Variants in TNKS observed in about 807,000 individuals in gnomAD.
TNKS encodes poly [ADP-ribose] polymerase tankyrase-1.
A neutral mutation model predicts 135.8 loss-of-function variants in TNKS; 72 were observed. That is an observed-to-expected ratio of 0.53 (90% CI 0.44 to 0.64). TNKS has a LOEUF of 0.64. Among genes scored for constraint, TNKS ranks in the 30% least tolerant of loss-of-function variants. The pLI is 0.00. For synonymous variants in TNKS, 849 were observed against 649.3 expected, an observed-to-expected ratio of 1.31 and a Z score of -4.68; for missense variants, 1,769 against 1,674.0, an observed-to-expected ratio of 1.06 and a Z score of -0.99.
rs960071515 is a variant in TNKS, at chr8:9,585,066, A to T, written c.898+4683A>T. 7.3e-5 allele frequency among the ~76,000 whole-genome samples: 11 copies of T among 150,228 alleles called. No homozygotes were observed. The East Asian group carries it at 1.6e-3, about 21-fold the overall frequency. On this transcript the variant is annotated intron_variant, in intron 2 of 26. Coordinates refer to ENST00000310430, the MANE Select transcript of TNKS (RefSeq NM_003747.3). ...AAAGGAGTCAGGTAAATACCTGAAT[A>T]AAAAAAAAATATCTCCCAGAGAAAT... is the stretch of plus-strand genomic sequence containing the variant.
chr8:9,711,186 C>T (rs1804314958), intron 11 of TNKS, among the ~76,000 whole-genome samples: 1 of 152,048 alleles, frequency 6.6e-6, no homozygotes, highest in South Asian at 2.1e-4. Context: ...CCTAGCATTT[C>T]AATTTATAAT....
rs1342047268 is a variant in TNKS at position 9,730,927 on chromosome 8, T to C, written c.2039T>C (p.Leu680Ser). 6.2e-7 allele frequency: 1 copy of C among 1,613,896 alleles called. No individual in the cohort carries two copies. The highest frequency in any genetic ancestry group is 8.5e-7 in the Non-Finnish European group (1 of 1,179,976). Residue 680 changes from leucine (L) to serine (S), a missense_variant, in exon 14 of 27, where the codon TTA becomes TCA. Physicochemically the swap from Leu to Ser is moderately radical, Grantham distance 145. Around this residue, in one of 5 missense-constraint regions of TNKS, gnomAD observed 69 missense variants for 120.3 expected, o/e 0.57. Transcript: ENST00000310430. Reference sequence around the variant, plus strand: ...TCTCAAAATGTGAATTGTAGAGACTTAGAGGGCCGGCATTCCACGCCCTTA... The same window carrying C: ...TCTCAAAATGTGAATTGTAGAGACTCAGAGGGCCGGCATTCCACGCCCTTA... ...CSSQNVNCRD[L>S]EGRHSTPLHF...
intron 11 of TNKS, among the ~76,000 whole-genome samples, chr8:9,717,065 G>GCAT: frequency 3.7e-5 from 1 of 26,888 alleles, no homozygotes; most frequent in Non-Finnish European, 8.1e-5. Flanking sequence ...ATAATCTGTT[G>GCAT]TATTATAATA....
chr8:9,638,847 A>G (rs13268770), intron 3 of TNKS, among the ~76,000 whole-genome samples: 16,085 of 152,142 alleles, frequency 0.11, 1,166 homozygotes, highest in East Asian at 0.22. Flanking sequence ...ACAAAGCTCT[A>G]CAGGAGAACT....
At chr8:9,579,753 C>CCCTTGTTTCTATGAATGTAG (rs1798098350) in intron 1 of TNKS, among the ~76,000 whole-genome samples, 3 of 152,186 alleles carry the variant, frequency 2.0e-5, no homozygotes, top group Non-Finnish European at 4.4e-5. Flanking sequence ...GTGTGAGCCA[C>CCCTTGTTTCTATGAATGTAG]TGCGCCCGGC....
chr8:9,636,191 T>G (rs11994018), intron 3 of TNKS, among the ~76,000 whole-genome samples: 1 of 152,106 alleles, frequency 6.6e-6, no homozygotes, highest in African/African-American at 2.4e-5. Context: ...CATGGGCAGA[T>G]GATTATAAGT....
chr8:9,723,556 A>T (rs188957976), intron 12 of TNKS, among the ~76,000 whole-genome samples: 21 of 152,348 alleles, frequency 1.4e-4, no homozygotes, highest in Admixed American at 1.2e-3. Context: ...TAAAGAAAAC[A>T]AGAGAAGCAG....
chr8:9,732,094 G>C (rs1452316890), intron 14 of TNKS, among the ~76,000 whole-genome samples: 1 of 152,186 alleles, frequency 6.6e-6, no homozygotes, highest in South Asian at 2.1e-4. Context: ...AGCCCTATAT[G>C]AATGTTTTTA....
intron 3 of TNKS, among the ~76,000 whole-genome samples, chr8:9,657,696 G>C (rs1271934622): frequency 1.1e-5 from 1 of 94,516 alleles, no homozygotes; most frequent in Non-Finnish European, 2.2e-5. Context: ...TGGCCGGGCT[G>C]AGGGGCTCCT....
At chr8:9,574,581 C>G (rs1044622350) in intron 1 of TNKS, among the ~76,000 whole-genome samples, 1 of 152,136 alleles carries the variant, frequency 6.6e-6, no homozygotes, top group African/African-American at 2.4e-5. Context: ...AAATGGTTTC[C>G]CACATACTTA....
intron 20 of TNKS, among the ~76,000 whole-genome samples, chr8:9,757,309 T>C (rs578117968): frequency 6.6e-6 from 1 of 152,318 alleles, no homozygotes; most frequent in African/African-American, 2.4e-5. Flanking sequence ...CTTAGTTTGA[T>C]AGATAAGGCC....
intron 3 of TNKS, among the ~76,000 whole-genome samples, chr8:9,674,841 G>A (rs1802470225): frequency 6.6e-6 from 1 of 152,156 alleles, no homozygotes; most frequent in Non-Finnish European, 1.5e-5. Flanking sequence ...AAACAACTGT[G>A]TTTAGAATGG....
At chr8:9,649,506 C>T (rs1801053730) in intron 3 of TNKS, among the ~76,000 whole-genome samples, 1 of 151,994 alleles carries the variant, frequency 6.6e-6, no homozygotes, top group African/African-American at 2.4e-5. Context: ...TTTTGGGGGA[C>T]AGGTGGTGGT....
intron 18 of TNKS, among the ~76,000 whole-genome samples, chr8:9,748,742 A>T (rs988396612): frequency 1.3e-5 from 2 of 152,184 alleles, no homozygotes; most frequent in African/African-American, 2.4e-5. Flanking sequence ...TGTTTCATTT[A>T]TTGATTGCTG....
intron 5 of TNKS, among the ~76,000 whole-genome samples, chr8:9,690,633 T>C (rs1803221052): frequency 6.6e-6 from 1 of 152,052 alleles, no homozygotes; most frequent in Non-Finnish European, 1.5e-5. Context: ...CAGGCACCTA[T>C]AATCCTAGCT....
chr8:9,676,391 A>T (rs1406572093), intron 3 of TNKS, among the ~76,000 whole-genome samples: 1 of 152,106 alleles, frequency 6.6e-6, no homozygotes, highest in Non-Finnish European at 1.5e-5. Flanking sequence ...ATTCCATCTC[A>T]ACAAAACCAA....
At chr8:9,708,099 T>C (rs1804136436) in intron 8 of TNKS, among the ~76,000 whole-genome samples, 1 of 152,154 alleles carries the variant, frequency 6.6e-6, no homozygotes, top group East Asian at 1.9e-4. Flanking sequence ...ACATTTAGGT[T>C]TCCTGTTTCA....
chr8:9,723,754 G>T (rs1414060998), intron 12 of TNKS, among the ~76,000 whole-genome samples: 1 of 152,124 alleles, frequency 6.6e-6, no homozygotes, highest in Non-Finnish European at 1.5e-5. Context: ...AGTCACACGT[G>T]GCTAATGGCT....
rs116541727 is a variant in TNKS at position 9,746,777 on chromosome 8, A to C, written c.2644-1247A>C. 4.7e-3 allele frequency among the ~76,000 whole-genome samples: 713 copies of C among 151,670 alleles called. 3 individuals are homozygous for C. Among genetic ancestry groups the C allele is most frequent in the African/African-American group, 0.016 (667 of 41,276 alleles). ...ATGATGCCCCCTCGACTGTGCTCCAACCTTTTCTGACAAACGATCTGCACA... is the reference window on the plus strand; with the variant it reads ...ATGATGCCCCCTCGACTGTGCTCCACCCTTTTCTGACAAACGATCTGCACA... On this transcript the variant is annotated intron_variant, in intron 17 of 26. Transcript: ENST00000310430.
Sources: gnomAD v4.1 joint callset for allele counts (sites outside exome capture counted in the v4.1 genomes callset) on GRCh38, gnomAD v4.1.1 for gene constraint, gnomAD v4.1.1 regional missense constraint, MANE v1.5 for transcripts, NCBI Gene and HGNC (gene_info 2026-07-23, HGNC 2026-07-21) for gene names.